The following CTNND2 variants were observed in gnomAD, a reference collection of about 807,000 sequenced individuals.
CTNND2 encodes catenin delta-2.
Under a neutral mutation model 144.4 loss-of-function variants are expected in CTNND2, and 22 were observed. That is an observed-to-expected ratio of 0.15 (90% CI 0.11 to 0.22). The LOEUF is 0.22. Among genes scored for constraint, CTNND2 ranks in the 10% least tolerant of loss-of-function variants. The pLI, the probability that CTNND2 is intolerant of heterozygous loss-of-function variation, is 1.00. For missense variants in CTNND2, 1,353 were observed against 1,618.8 expected, an observed-to-expected ratio of 0.84 and a Z score of 2.82; for synonymous variants, 751 against 695.6, an observed-to-expected ratio of 1.08 and a Z score of -1.25.
At chr5:11,033,340 G>T (rs1049814845) in intron 16 of CTNND2, among the ~76,000 whole-genome samples, 2 of 152,194 alleles carry the variant, frequency 1.3e-5, no homozygotes, top group Non-Finnish European at 2.9e-5. Context: ...TCTGTTGTAT[G>T]TGTATAAACA....
chr5:11,822,761 C>A (rs776571620), intron 1 of CTNND2, among the ~76,000 whole-genome samples: 21 of 152,022 alleles, frequency 1.4e-4, no homozygotes, highest in Non-Finnish European at 2.5e-4. Context: ...AGACCTGAGT[C>A]CAACAATTTA....
chr5:11,808,488 T>A (rs1792132421), intron 1 of CTNND2, among the ~76,000 whole-genome samples: 1 of 152,340 alleles, frequency 6.6e-6, no homozygotes, highest in African/African-American at 2.4e-5. Context: ...TTCTCAGTGC[T>A]TTTCTGCAGC....
At chr5:10,975,364 T>A (rs1439459409) in intron 21 of CTNND2, among the ~76,000 whole-genome samples, 2 of 152,218 alleles carry the variant, frequency 1.3e-5, no homozygotes, top group African/African-American at 4.8e-5. Context: ...GCAAATTCTT[T>A]AATACTCCAG....
chr5:11,267,267 C>T (rs566549643), intron 9 of CTNND2, among the ~76,000 whole-genome samples: 9 of 152,324 alleles, frequency 5.9e-5, no homozygotes, highest in African/African-American at 1.2e-4. Context: ...GTGGAGCTAA[C>T]GGCTAATCCT....
At chr5:11,405,579 A>T (rs1264908094) in intron 5 of CTNND2, among the ~76,000 whole-genome samples, 1 of 136,900 alleles carries the variant, frequency 7.3e-6, no homozygotes, top group Non-Finnish European at 1.5e-5. Flanking sequence ...GGACTCCGTT[A>T]AAAAAAAAAA....
At chr5:11,535,188 A>C (rs993737642) in intron 3 of CTNND2, among the ~76,000 whole-genome samples, 21 of 99,264 alleles carry the variant, frequency 2.1e-4, no homozygotes, top group Non-Finnish European at 2.7e-4. Context: ...ACTCTGTCTT[A>C]AAAAAAAAAA....
chr5:11,867,525 G>A (rs1358162285), intron 1 of CTNND2, among the ~76,000 whole-genome samples: 1 of 152,130 alleles, frequency 6.6e-6, no homozygotes, highest in Non-Finnish European at 1.5e-5. Context: ...AAAATCCTGT[G>A]GCTACTGTTT....
At chr5:11,164,911 C>T (rs1049638149) in intron 11 of CTNND2, among the ~76,000 whole-genome samples, 2 of 152,144 alleles carry the variant, frequency 1.3e-5, no homozygotes, top group African/African-American at 4.8e-5. Flanking sequence ...TGTCTGAATG[C>T]CCATCGTATG....
intron 2 of CTNND2, among the ~76,000 whole-genome samples, chr5:11,649,466 C>T (rs1473374174): frequency 6.6e-6 from 1 of 152,028 alleles, no homozygotes; most frequent in Non-Finnish European, 1.5e-5. Flanking sequence ...TACAGGTGTG[C>T]ACCACCACAC....
chr5:11,887,079 G>T (rs1486191688), intron 1 of CTNND2, among the ~76,000 whole-genome samples: 1 of 145,696 alleles, frequency 6.9e-6, no homozygotes, highest in African/African-American at 2.5e-5. Flanking sequence ...TGCCTCCCGG[G>T]TTCACTCCAT....
intron 18 of CTNND2, among the ~76,000 whole-genome samples, chr5:11,010,704 T>C (rs1378678778): frequency 1.3e-5 from 2 of 152,214 alleles, no homozygotes; most frequent in South Asian, 2.1e-4. Flanking sequence ...TAATTACTTA[T>C]TGATTTCTTG....
chr5:11,032,638 ATT>A (rs537165116), intron 16 of CTNND2, among the ~76,000 whole-genome samples: 3 of 151,336 alleles, frequency 2.0e-5, no homozygotes, highest in African/African-American at 7.3e-5. Flanking sequence ...CTGAGTGCTT[ATT>A]TTTTTTTCCC....
chr5:11,386,420 GA>G (rs1198012391), intron 6 of CTNND2, among the ~76,000 whole-genome samples: 1 of 152,170 alleles, frequency 6.6e-6, no homozygotes. Flanking sequence ...ACCCGTTCTG[GA>G]ATGGCAATTG....
intron 18 of CTNND2, among the ~76,000 whole-genome samples, chr5:10,996,823 T>C (rs1434149596): frequency 2.6e-5 from 4 of 152,096 alleles, no homozygotes; most frequent in South Asian, 2.1e-4. Context: ...GGTCTTGATC[T>C]CCTGACCTCT....
chr5:11,777,539 T>C (rs998790492), intron 1 of CTNND2, among the ~76,000 whole-genome samples: 1 of 152,210 alleles, frequency 6.6e-6, no homozygotes, highest in African/African-American at 2.4e-5. Context: ...ATGGAGGTGG[T>C]TGAGTGGTGA....
chr5:11,087,251 G>T (rs557121982), intron 15 of CTNND2, among the ~76,000 whole-genome samples: 2 of 152,140 alleles, frequency 1.3e-5, no homozygotes, highest in African/African-American at 4.8e-5. Context: ...CAATACCAGG[G>T]TGTCTCATTC....
intron 3 of CTNND2, among the ~76,000 whole-genome samples, chr5:11,417,998 T>G (rs1762055142): frequency 6.6e-6 from 1 of 152,168 alleles, no homozygotes; most frequent in South Asian, 2.1e-4. Context: ...ATGAAAAATT[T>G]ATTTGTGGAT....
chr5:11,139,514 A>G (rs979283213), intron 12 of CTNND2, among the ~76,000 whole-genome samples: 4 of 151,798 alleles, frequency 2.6e-5, no homozygotes, highest in Non-Finnish European at 4.4e-5. Flanking sequence ...TGTTTATGGA[A>G]TCTTGGATGA....
chr5:11,015,623 A>C (rs1042674034), intron 18 of CTNND2, among the ~76,000 whole-genome samples: 1 of 152,258 alleles, frequency 6.6e-6, no homozygotes, highest in Non-Finnish European at 1.5e-5. Flanking sequence ...ATGACTATTC[A>C]AGAAAGAGCC....
Sources: allele counts gnomAD v4.1 joint callset (sites outside exome capture counted in the v4.1 genomes callset), GRCh38; gene constraint gnomAD v4.1.1; transcripts MANE v1.5; gene names NCBI Gene and HGNC (gene_info 2026-07-23, HGNC 2026-07-21).